CTNND2: variants seen among roughly 807,000 people sequenced by gnomAD.
CTNND2 encodes the protein catenin delta-2.
Under a neutral mutation model 144.4 loss-of-function variants are expected in CTNND2, and 22 were observed. The ratio of observed to expected loss-of-function variants is 0.15; its 90% CI spans 0.11 to 0.22. CTNND2 has a LOEUF of 0.22. Ranked by LOEUF, CTNND2 falls within the 10% of genes least tolerant of loss-of-function variation. The pLI, the probability that CTNND2 is intolerant of heterozygous loss-of-function variation, is 1.00. For synonymous variants in CTNND2, 751 were observed against 695.6 expected (o/e 1.08, Z -1.25); for missense variants, 1,353 against 1,618.8 (o/e 0.84, Z 2.82).
chr5:11,096,134 C>A (rs1751324366), intron 15 of CTNND2, among the ~76,000 whole-genome samples: 1 of 151,964 alleles, frequency 6.6e-6, no homozygotes, highest in Admixed American at 6.6e-5. Context: ...TGCTGTTAAT[C>A]CCATTCCACA....
At chr5:11,404,211 A>T (rs6868536) in intron 5 of CTNND2, among the ~76,000 whole-genome samples, 17,502 of 152,188 alleles carry the variant, frequency 0.12, 1,891 homozygotes, top group African/African-American at 0.28. Context: ...ATCTCTTAGT[A>T]TTATTATGAA....
At position 11,311,924 on chromosome 5, in the gene CTNND2, GCC is replaced by G. The variant is rs775867421; in HGVS notation, c.1628+34446_1628+34447del. On this transcript the variant is annotated intron_variant, in intron 9 of 21. Transcript: ENST00000304623. ...CCACACACACTCCACATACATCCTC[GCC>G]CCCCACACACACTCACACACACTCC... 3.7e-3 allele frequency among the ~76,000 whole-genome samples: 185 copies of G among 50,504 alleles called. 1 individual carries two copies. Among genetic ancestry groups the G allele is most frequent in the Non-Finnish European group, 4.5e-3 (110 of 24,384 alleles). 33.1% of individuals were successfully genotyped at this position (50,504 alleles called of 152,430 possible). A position where few individuals can be genotyped will look rare whatever the true frequency, so the allele number is the denominator to read the frequency against.
intron 9 of CTNND2, among the ~76,000 whole-genome samples, chr5:11,333,958 G>A (rs960758093): frequency 2.6e-5 from 4 of 152,110 alleles, no homozygotes; most frequent in South Asian, 2.1e-4. Flanking sequence ...GGGTCATTGC[G>A]GCCATCCTAC....
chr5:11,096,803 C>CAGAGAGAG (rs375930798), intron 15 of CTNND2, among the ~76,000 whole-genome samples: 12 of 149,074 alleles, frequency 8.0e-5, no homozygotes, highest in South Asian at 6.4e-4. Context: ...GAGAGAGAGA[C>CAGAGAGAG]AGAGAGAGAG....
intron 1 of CTNND2, among the ~76,000 whole-genome samples, chr5:11,827,946 T>C (rs1026293537): frequency 7.9e-5 from 12 of 152,230 alleles, no homozygotes; most frequent in African/African-American, 2.7e-4. Flanking sequence ...TACCAAAATC[T>C]AGATATATAG....
chr5:11,077,576 C>T (rs1325895575), intron 16 of CTNND2, among the ~76,000 whole-genome samples: 4 of 152,162 alleles, frequency 2.6e-5, no homozygotes, highest in African/African-American at 9.7e-5. Context: ...GGAGCTTCCA[C>T]ATCTGCCCTG....
chr5:11,841,670 G>A (rs371929214), intron 1 of CTNND2, among the ~76,000 whole-genome samples: 5 of 152,166 alleles, frequency 3.3e-5, no homozygotes, highest in East Asian at 1.9e-4. Flanking sequence ...ATTTCAGCAG[G>A]GGTGACATTA....
chr5:11,651,597 G>A (rs1782648459), intron 2 of CTNND2, among the ~76,000 whole-genome samples: 1 of 152,228 alleles, frequency 6.6e-6, no homozygotes, highest in Admixed American at 6.5e-5. Flanking sequence ...TGTGGCCCAT[G>A]AAAGCAGCCA....
intron 12 of CTNND2, among the ~76,000 whole-genome samples, chr5:11,141,296 T>A (rs1253420040): frequency 6.6e-6 from 1 of 152,124 alleles, no homozygotes; most frequent in Non-Finnish European, 1.5e-5. Context: ...GACCGTCATT[T>A]TTTTTTTTAA....
intron 9 of CTNND2, among the ~76,000 whole-genome samples, chr5:11,307,448 T>G (rs1050274386): frequency 3.3e-5 from 5 of 152,122 alleles, no homozygotes; most frequent in African/African-American, 1.2e-4. Context: ...AGGCAAGGCC[T>G]GCTTTGGAGA....
At chr5:11,459,839 T>G (rs1019050055) in intron 3 of CTNND2, among the ~76,000 whole-genome samples, 1 of 152,218 alleles carries the variant, frequency 6.6e-6, no homozygotes, top group African/African-American at 2.4e-5. Flanking sequence ...TAGGTCAATG[T>G]CAAGTTGTAA....
chr5:11,752,639 TC>T (rs1788691878), intron 1 of CTNND2, among the ~76,000 whole-genome samples: 1 of 151,866 alleles, frequency 6.6e-6, no homozygotes, highest in Non-Finnish European at 1.5e-5. Context: ...CCAGCTTTGT[TC>T]TTTTTGCTTA....
At chr5:11,772,903 G>A (rs897838104) in intron 1 of CTNND2, among the ~76,000 whole-genome samples, 1 of 152,176 alleles carries the variant, frequency 6.6e-6, no homozygotes, top group African/African-American at 2.4e-5. Flanking sequence ...ATTTGTTATG[G>A]TTGTGGAGCC....
At chr5:11,301,039 T>C (rs1749550053) in intron 9 of CTNND2, among the ~76,000 whole-genome samples, 1 of 152,076 alleles carries the variant, frequency 6.6e-6, no homozygotes, top group Admixed American at 6.6e-5. Flanking sequence ...GTCTGGGCTG[T>C]TGCATGGGCT....
chr5:11,296,921 C>T (rs1323696428), intron 9 of CTNND2, among the ~76,000 whole-genome samples: 1 of 152,078 alleles, frequency 6.6e-6, no homozygotes, highest in Admixed American at 6.6e-5. Flanking sequence ...CAACATGGCA[C>T]GTGTATACAT....
intron 1 of CTNND2, among the ~76,000 whole-genome samples, chr5:11,749,225 A>C (rs1484896384): frequency 6.6e-6 from 1 of 152,050 alleles, no homozygotes; most frequent in African/African-American, 2.4e-5. Flanking sequence ...ATACCCAGCT[A>C]AGTGGCTCCT....
chr5:11,482,377 T>C (rs916504630), intron 3 of CTNND2, among the ~76,000 whole-genome samples: 2 of 152,180 alleles, frequency 1.3e-5, no homozygotes, highest in Non-Finnish European at 2.9e-5. Flanking sequence ...CCCAGAAATA[T>C]TCAGGATTCA....
intron 1 of CTNND2, among the ~76,000 whole-genome samples, chr5:11,798,355 G>A (rs555766517): frequency 2.6e-5 from 4 of 152,040 alleles, no homozygotes; most frequent in Admixed American, 2.6e-4. Flanking sequence ...TTCTTTTAGT[G>A]GGGAACTATT....
chr5:11,579,695 G>T (rs1190631044), intron 2 of CTNND2, among the ~76,000 whole-genome samples: 1 of 152,120 alleles, frequency 6.6e-6, no homozygotes, highest in Admixed American at 6.5e-5. Flanking sequence ...TCAAGTACAT[G>T]AATTCATGTA....
Sources: gnomAD v4.1 joint callset for allele counts (sites outside exome capture counted in the v4.1 genomes callset) on GRCh38, gnomAD v4.1.1 for gene constraint, MANE v1.5 for transcripts, NCBI Gene and HGNC (gene_info 2026-07-23, HGNC 2026-07-21) for gene names.